The following GRM7 variants were observed in gnomAD, a reference collection of about 807,000 sequenced individuals.
GRM7 encodes the protein glutamate metabotropic receptor 7.
A neutral mutation model predicts 84.5 loss-of-function variants in GRM7; 35 were observed. That is an observed-to-expected ratio of 0.41 (90% confidence interval 0.32 to 0.55). The LOEUF is 0.55. GRM7 is among the 20% of genes least tolerant of loss of function. The probability of loss-of-function intolerance (pLI) is 0.19; values close to 1 mark genes in which losing one functional copy is unlikely to be tolerated. For missense variants in GRM7, 1,003 were observed against 1,194.6 expected, an observed-to-expected ratio of 0.84 and a Z score of 2.36; for synonymous variants, 487 against 455.1, an observed-to-expected ratio of 1.07 and a Z score of -0.89.
chr3:7,266,870 C>T (rs144307311), intron 2 of GRM7, among the ~76,000 whole-genome samples: 1 of 152,142 alleles, frequency 6.6e-6, no homozygotes, highest in South Asian at 2.1e-4. Context: ...ATAAGTTTTA[C>T]TCTGTATTTA....
intron 4 of GRM7, among the ~76,000 whole-genome samples, chr3:7,322,950 A>T (rs1463276411): frequency 6.6e-6 from 1 of 152,140 alleles, no homozygotes; most frequent in Non-Finnish European, 1.5e-5. Context: ...CCTTAGAAGC[A>T]GAGTCGAACT....
intron 2 of GRM7, among the ~76,000 whole-genome samples, chr3:7,224,428 A>C (rs1325366473): frequency 6.6e-6 from 1 of 152,218 alleles, no homozygotes; most frequent in Non-Finnish European, 1.5e-5. Flanking sequence ...CCCCACTTCC[A>C]ACATTGGGGA....
intron 1 of GRM7, among the ~76,000 whole-genome samples, chr3:7,077,564 G>T (rs887789750): frequency 7.9e-6 from 1 of 125,820 alleles, no homozygotes; most frequent in Admixed American, 9.3e-5. Context: ...ACACACTGGG[G>T]CCTGTCGGGG....
chr3:7,626,997 G>C (rs1697647609), intron 8 of GRM7, among the ~76,000 whole-genome samples: 1 of 150,252 alleles, frequency 6.7e-6, no homozygotes, highest in African/African-American at 2.4e-5. Context: ...CACCTTAAAA[G>C]GGCTGATGGT....
intron 7 of GRM7, among the ~76,000 whole-genome samples, chr3:7,527,366 C>A (rs1397481245): frequency 6.6e-6 from 1 of 151,856 alleles, no homozygotes; most frequent in African/African-American, 2.4e-5. Flanking sequence ...ATTTTTTTTA[C>A]ATTGATTTTG....
At chr3:6,946,763 T>C (rs1201565505) in intron 1 of GRM7, among the ~76,000 whole-genome samples, 1 of 151,818 alleles carries the variant, frequency 6.6e-6, no homozygotes, top group Non-Finnish European at 1.5e-5. Flanking sequence ...TTCTAGGTCC[T>C]TCACATCCCT....
chr3:7,588,759 G>C (rs3804890), intron 8 of GRM7, among the ~76,000 whole-genome samples: 8,164 of 152,236 alleles, frequency 0.054, 598 homozygotes, highest in African/African-American at 0.16. Flanking sequence ...CGGTAGAAAT[G>C]TATTGGTGGA....
intron 2 of GRM7, among the ~76,000 whole-genome samples, chr3:7,248,179 A>T (rs1697845233): frequency 6.6e-6 from 1 of 152,216 alleles, no homozygotes; most frequent in East Asian, 1.9e-4. Flanking sequence ...TGCTTATAGC[A>T]GCTCTATTTA....
At chr3:6,883,065 C>T (rs1465506220) in intron 1 of GRM7, among the ~76,000 whole-genome samples, 1 of 151,566 alleles carries the variant, frequency 6.6e-6, no homozygotes, top group African/African-American at 2.4e-5. Context: ...ACACTCTCTA[C>T]AGTACCAGCA....
At chr3:7,682,575 T>A (rs1270414680) in intron 9 of GRM7, among the ~76,000 whole-genome samples, 1 of 150,576 alleles carries the variant, frequency 6.6e-6, no homozygotes, top group East Asian at 2.0e-4. Flanking sequence ...CACACACATT[T>A]AACTAGATAC....
At chr3:7,379,401 G>T (rs568254889) in intron 4 of GRM7, among the ~76,000 whole-genome samples, 3 of 152,188 alleles carry the variant, frequency 2.0e-5, no homozygotes, top group Admixed American at 2.0e-4. Flanking sequence ...ACTCTTCTGT[G>T]AATTTTACAA....
intron 4 of GRM7, among the ~76,000 whole-genome samples, chr3:7,389,394 C>T (rs1694904718): frequency 2.0e-5 from 3 of 152,190 alleles, no homozygotes; most frequent in African/African-American, 7.2e-5. Context: ...TTCAATTGGT[C>T]AAGTGAGAAA....
chr3:7,528,791 C>G (rs2197979), intron 7 of GRM7, among the ~76,000 whole-genome samples: 2 of 151,810 alleles, frequency 1.3e-5, no homozygotes, highest in Admixed American at 6.6e-5. Context: ...TTATTCAGGA[C>G]AAATTGTTTA....
chr3:7,345,832 C>CAA (rs141494248), intron 4 of GRM7, among the ~76,000 whole-genome samples: 14,570 of 148,346 alleles, frequency 0.098, 745 homozygotes, highest in African/African-American at 0.14. Flanking sequence ...CAAAGAGCCT[C>CAA]AAAAAAAAAA....
intron 4 of GRM7, among the ~76,000 whole-genome samples, chr3:7,325,952 G>A (rs1375656649): frequency 6.6e-6 from 1 of 152,018 alleles, no homozygotes; most frequent in African/African-American, 2.4e-5. Flanking sequence ...ACCTGAATGT[G>A]TGTTTCATCG....
intron 3 of GRM7, among the ~76,000 whole-genome samples, chr3:7,301,700 T>C (rs1477671167): frequency 2.0e-5 from 3 of 152,210 alleles, no homozygotes; most frequent in African/African-American, 7.2e-5. Context: ...TTGTATATTG[T>C]CATTCATAAT....
At position 7,048,655 on chromosome 3, in the gene GRM7, T is replaced by C. The variant is rs151334854; in HGVS notation, c.520-97797T>C. ...ACATAAAGGTTTTGATATGTATATA[T>C]GGACACATATATGCATTGTGGAATG... On this transcript the variant is annotated intron_variant, in intron 1 of 9. Coordinates refer to ENST00000357716, the MANE Select transcript of GRM7 (RefSeq NM_000844.4). Among the ~76,000 whole-genome samples, 39 of 152,110 alleles carry C rather than the reference T, an allele frequency of 2.6e-4. No individual in the cohort carries two copies. The East Asian group carries it at 7.4e-3, about 29-fold the overall frequency.
At chr3:7,728,246 A>G (rs1334370659) in intron 9 of GRM7, among the ~76,000 whole-genome samples, 1 of 152,194 alleles carries the variant, frequency 6.6e-6, no homozygotes, top group Non-Finnish European at 1.5e-5. Context: ...CCCAATAACA[A>G]GATGCAGACA....
chr3:7,380,433 A>G (rs1694542821), intron 4 of GRM7, among the ~76,000 whole-genome samples: 1 of 152,230 alleles, frequency 6.6e-6, no homozygotes, highest in African/African-American at 2.4e-5. Context: ...ACAATATTTC[A>G]ACTAGAGTTG....
Sources: allele counts gnomAD v4.1 joint callset (sites outside exome capture counted in the v4.1 genomes callset), GRCh38; gene constraint gnomAD v4.1.1; transcripts MANE v1.5; gene names NCBI Gene and HGNC (gene_info 2026-07-23, HGNC 2026-07-21).